Variants in ZFHX3 observed in about 807,000 individuals in gnomAD.
ZFHX3 encodes the protein zinc finger homeobox 3.
ZFHX3 carries 42 observed loss-of-function variants against 279.1 expected under a neutral mutation model. That is an observed-to-expected ratio of 0.15 (90% CI 0.12 to 0.19). The LOEUF is 0.19. ZFHX3 is among the 10% of genes least tolerant of loss of function. The pLI is 1.00. For synonymous variants in ZFHX3, 2,293 were observed against 1,957.8 expected, an observed-to-expected ratio of 1.17 and a Z score of -4.52; for missense variants, 4,981 against 4,754.0, an observed-to-expected ratio of 1.05 and a Z score of -1.40.
intron 5 of ZFHX3, among the ~76,000 whole-genome samples, chr16:73,221,604 C>T (rs553936374): frequency 7.3e-4 from 110 of 150,854 alleles, no homozygotes; most frequent in South Asian, 1.5e-3. Context: ...CAAAAACTAT[C>T]GAAAAAAAAA....
At chr16:73,681,761 A>C (rs1301340103) in intron 1 of ZFHX3, among the ~76,000 whole-genome samples, 1 of 152,184 alleles carries the variant, frequency 6.6e-6, no homozygotes, top group Non-Finnish European at 1.5e-5. Context: ...AGTATTTTGT[A>C]AGCATATGCA....
At chr16:73,509,521 C>CTTT (rs531436437) in intron 2 of ZFHX3, among the ~76,000 whole-genome samples, 53 of 102,980 alleles carry the variant, frequency 5.1e-4, no homozygotes, top group Non-Finnish European at 6.4e-4. Flanking sequence ...TTTCCCTCTC[C>CTTT]TTTTTTTTTT....
chr16:73,272,774 T>C (rs970267233), intron 4 of ZFHX3, among the ~76,000 whole-genome samples: 1 of 152,026 alleles, frequency 6.6e-6, no homozygotes, highest in African/African-American at 2.4e-5. Context: ...TGAGACAGAG[T>C]GTTACTCTGT....
intron 2 of ZFHX3, among the ~76,000 whole-genome samples, chr16:73,575,053 T>A (rs1018316739): frequency 2.6e-5 from 4 of 152,246 alleles, no homozygotes; most frequent in African/African-American, 9.6e-5. Context: ...TGTGTTTGAT[T>A]AGTTTTTAAA....
chr16:73,031,258 C>G (rs947542170), intron 1 of ZFHX3, among the ~76,000 whole-genome samples: 2 of 151,876 alleles, frequency 1.3e-5, no homozygotes, highest in Admixed American at 6.6e-5. Flanking sequence ...TCCCAGGTAG[C>G]CGACCAAAAA....
intron 1 of ZFHX3, among the ~76,000 whole-genome samples, chr16:73,759,115 T>C (rs1490270420): frequency 6.6e-6 from 1 of 152,230 alleles, no homozygotes; most frequent in Admixed American, 6.5e-5. Context: ...ACCAAGATAC[T>C]AAAACTAATA....
At chr16:73,615,634 A>G (rs2052292375) in intron 2 of ZFHX3, among the ~76,000 whole-genome samples, 1 of 152,226 alleles carries the variant, frequency 6.6e-6, no homozygotes, top group Admixed American at 6.5e-5. Context: ...ACTAAAACAC[A>G]GTGTTAAAAT....
chr16:72,858,988 C>T (rs1455874507), intron 4 of ZFHX3, among the ~76,000 whole-genome samples: 1 of 152,234 alleles, frequency 6.6e-6, no homozygotes, highest in Non-Finnish European at 1.5e-5. Context: ...CTGAGTTCCT[C>T]AAGCTGACAG....
intron 5 of ZFHX3, among the ~76,000 whole-genome samples, chr16:73,144,787 A>G (rs1010273288): frequency 6.6e-6 from 1 of 152,112 alleles, no homozygotes; most frequent in Non-Finnish European, 1.5e-5. Flanking sequence ...GCTATAATGC[A>G]CATCTCTTGG....
Position 72,892,273 on chromosome 16 carries a change from C to T in ZFHX3, c.3217-2311G>A, listed in dbSNP as rs16971373. 6.9e-3 allele frequency among the ~76,000 whole-genome samples: 1,049 copies of T among 152,228 alleles called. 11 individuals are homozygous for T. Among genetic ancestry groups the T allele is most frequent in the African/African-American group, 0.024 (987 of 41,526 alleles). On this transcript the variant is annotated intron_variant, in intron 3 of 9. Coordinates refer to ENST00000268489, the MANE Select transcript of ZFHX3 (RefSeq NM_006885.4). ...CCACAGGAAATCTTGCCAACTTGTA[C>T]GTAAGAATGGGATGAGCTTCACAGG...
At chr16:73,353,230 C>G (rs989321581) in intron 3 of ZFHX3, among the ~76,000 whole-genome samples, 2 of 152,180 alleles carry the variant, frequency 1.3e-5, no homozygotes, top group Admixed American at 1.3e-4. Context: ...AAAATATTCC[C>G]ATTTGTTTAA....
At chr16:73,158,739 G>A (rs1318013502) in intron 5 of ZFHX3, among the ~76,000 whole-genome samples, 1 of 152,054 alleles carries the variant, frequency 6.6e-6, no homozygotes, top group Non-Finnish European at 1.5e-5. Context: ...ACACATAGAC[G>A]AATGGAACAG....
chr16:72,973,169 G>A (rs528328603), intron 1 of ZFHX3, among the ~76,000 whole-genome samples: 5 of 152,290 alleles, frequency 3.3e-5, no homozygotes, highest in South Asian at 2.1e-4. Flanking sequence ...GACTCAGCAT[G>A]GCTCAACATG....
intron 2 of ZFHX3, among the ~76,000 whole-genome samples, chr16:73,652,240 T>A (rs548417665): frequency 6.6e-6 from 1 of 152,288 alleles, no homozygotes; most frequent in South Asian, 2.1e-4. Context: ...GGGCAGGAGC[T>A]TATGTGCTAC....
chr16:73,424,205 A>G (rs2017769550), intron 3 of ZFHX3, among the ~76,000 whole-genome samples: 1 of 152,200 alleles, frequency 6.6e-6, no homozygotes, highest in South Asian at 2.1e-4. Context: ...GAAAGGCTTC[A>G]GACCACTTAC....
At chr16:73,810,619 GGCATTTATTATTCCTGTT>G (rs1385469582) in intron 1 of ZFHX3, among the ~76,000 whole-genome samples, 15 of 152,150 alleles carry the variant, frequency 9.9e-5, no homozygotes, top group Non-Finnish European at 1.9e-4. Context: ...TATAAATTAT[GGCATTTATTATTCCTGTT>G]GCAAAAGAAG....
chr16:73,669,802 G>C (rs896645552), intron 2 of ZFHX3, among the ~76,000 whole-genome samples: 1 of 152,118 alleles, frequency 6.6e-6, no homozygotes. Context: ...CAGCATTATT[G>C]GGAAATGTCC....
At chr16:73,523,187 AT>A (rs547405776) in intron 2 of ZFHX3, among the ~76,000 whole-genome samples, 2 of 152,154 alleles carry the variant, frequency 1.3e-5, no homozygotes, top group Non-Finnish European at 2.9e-5. Flanking sequence ...ATGATTTGGG[AT>A]TTATTATAAT....
chr16:73,562,761 T>C (rs1389717910), intron 2 of ZFHX3, among the ~76,000 whole-genome samples: 1 of 149,978 alleles, frequency 6.7e-6, no homozygotes, highest in Admixed American at 6.7e-5. Context: ...TAAAAAAGAG[T>C]ACAGGCAAAT....
Sources: gnomAD v4.1 joint callset for allele counts (sites outside exome capture counted in the v4.1 genomes callset) on GRCh38, gnomAD v4.1.1 for gene constraint, MANE v1.5 for transcripts, NCBI Gene and HGNC (gene_info 2026-07-23, HGNC 2026-07-21) for gene names.